KLC1: variants seen among roughly 807,000 people sequenced by gnomAD.
The protein encoded by KLC1 is kinesin 2 60/70kDa.
Under a neutral mutation model 84.2 loss-of-function variants are expected in KLC1, and 30 were observed. That is an observed-to-expected ratio of 0.36 (90% CI 0.27 to 0.48). KLC1 has a LOEUF of 0.48. Ranked by LOEUF, KLC1 falls within the 20% of genes least tolerant of loss-of-function variation. The pLI is 0.99. For synonymous variants in KLC1, 289 were observed against 293.3 expected (o/e 0.99, Z 0.15); for missense variants, 499 against 805.4 (o/e 0.62, Z 4.60).
Position 103,684,723 on chromosome 14 carries a change from C to CGT in KLC1, c.1651-2345_1651-2344dup, listed in dbSNP as rs371469182. On this transcript the variant is annotated intron_variant, in intron 13 of 16. Transcript: ENST00000334553. Reference sequence around the variant, plus strand: ...GAGCATGAGTGAGCGTGTGTGCACGCGTGTGTGTGTGTGTCACATGAAATA... The same window carrying CGT: ...GAGCATGAGTGAGCGTGTGTGCACGCGTGTGTGTGTGTGTGTCACATGAAATA... The CGT allele has an allele frequency of 4.3e-3, 1,925 of 443,862 alleles. 7 individuals carry two copies. Among genetic ancestry groups the CGT allele is most frequent in the Non-Finnish European group, 6.4e-3 (1,531 of 239,582 alleles). 27.5% of individuals were successfully genotyped at this position (443,862 alleles called of 1,614,324 possible).
chr14:103,678,966 G>A (rs760212810), intron 12 of KLC1, among the ~76,000 whole-genome samples: 6 of 152,120 alleles, frequency 3.9e-5, no homozygotes, highest in Non-Finnish European at 5.9e-5. Flanking sequence ...TATAATAAGC[G>A]AACAAATGGA....
intron 12 of KLC1, 89 bp from the exon 13 acceptor site, chr14:103,679,288 GTTTTTTT>G: frequency 9.1e-7 from 1 of 1,104,222 alleles, no homozygotes; most frequent in Non-Finnish European, 1.3e-6. Flanking sequence ...ATTAAGAACT[GTTTTTTT>G]TTTTTTTTTC....
At chr14:103,642,493 A>G (rs2077567889) in intron 1 of KLC1, among the ~76,000 whole-genome samples, 1 of 152,160 alleles carries the variant, frequency 6.6e-6, no homozygotes, top group Admixed American at 6.6e-5. Flanking sequence ...ATGAGTTTTT[A>G]GGAGAAAGAC....
chr14:103,658,642 TCTGATTCAGTTAA>T (rs2079021527), intron 3 of KLC1, among the ~76,000 whole-genome samples: 2 of 148,902 alleles, frequency 1.3e-5, no homozygotes, highest in Admixed American at 6.8e-5. Flanking sequence ...AACATTTATT[TCTGATTCAGTTAA>T]CTTTTTTTTT....
chr14:103,687,278 G>T, intron 14 of KLC1, 67 bp downstream of exon 14: 1 of 1,434,526 alleles, frequency 7.0e-7, no homozygotes, highest in Non-Finnish European at 9.4e-7. Context: ...TCTTCCTAGC[G>T]CAGCCTTCCT....
chr14:103,669,538 T>G lies in KLC1; in HGVS notation c.825T>G (p.Ala275=). The change falls in exon 6 of 17, where the codon GCT becomes GCG. Residue 275 remains alanine, a synonymous_variant. Transcript: ENST00000334553. Reference sequence around the variant, plus strand: ...ATCAGAATAAATACAAAGATGCAGCTAACCTACTGAATGATGCCTTGGCTA... The same window carrying G: ...ATCAGAATAAATACAAAGATGCAGCGAACCTACTGAATGATGCCTTGGCTA... The part of the protein sequence containing the change: ...YRDQNKYKDA[A]NLLNDALAIR... The G allele has an allele frequency of 1.9e-6, 3 of 1,612,304 alleles. No homozygotes were observed. The South Asian group carries it at 3.3e-5, about 18-fold the overall frequency.
At chr14:103,653,662 T>C (rs1289093799) in intron 1 of KLC1, among the ~76,000 whole-genome samples, 1 of 152,212 alleles carries the variant, frequency 6.6e-6, no homozygotes, top group African/African-American at 2.4e-5. Flanking sequence ...AAGGTGACAT[T>C]AGACACTTAA....
chr14:103,673,217 G>T, intron 8 of KLC1, 30 bp downstream of exon 8: 2 of 1,592,200 alleles, frequency 1.3e-6, no homozygotes, highest in Non-Finnish European at 1.7e-6. Context: ...CTAGGGAGGG[G>T]GCCAGGAGTG....
At chr14:103,699,058 T>G in intron 15 of KLC1, 1 of 1,564,290 alleles carries the variant, frequency 6.4e-7, no homozygotes, top group Non-Finnish European at 8.7e-7. Flanking sequence ...TCAGGCTTGG[T>G]GGCCCCGCCC....
In KLC1 at chr14:103,701,486, TTG is replaced by T; in HGVS notation, c.*292_*293del. On this transcript the variant is annotated 3_prime_UTR_variant, in exon 17 of 17. Coordinates refer to ENST00000334553, the MANE Select transcript of KLC1 (RefSeq NM_001394837.1). ...CCTTCCCATGTGTAACTTCCTCACG[TTG>T]TGTGCGATAACGTATTTTATTGTAC... The T allele has an allele frequency of 2.4e-6, 1 of 422,488 alleles. No homozygotes were observed. The highest frequency in any genetic ancestry group is 6.8e-5 in the South Asian group (1 of 14,806). The allele number at this position is 422,488 out of a possible 1,614,324, so 26.2% of individuals were successfully genotyped here.
At chr14:103,667,798 C>T (rs1363300561) in intron 5 of KLC1, among the ~76,000 whole-genome samples, 1 of 152,212 alleles carries the variant, frequency 6.6e-6, no homozygotes, top group South Asian at 2.1e-4. Context: ...ACCTTTCTCA[C>T]GTTTTTCAGG....
chr14:103,638,988 T>C (rs75889609), intron 1 of KLC1, among the ~76,000 whole-genome samples: 2,613 of 152,246 alleles, frequency 0.017, 68 homozygotes, highest in African/African-American at 0.056. Flanking sequence ...GATTGTGTTC[T>C]TCTTGTTGGT....
At chr14:103,667,353 C>A (rs145352381) in intron 5 of KLC1, among the ~76,000 whole-genome samples, 1 of 152,098 alleles carries the variant, frequency 6.6e-6, no homozygotes, top group Non-Finnish European at 1.5e-5. Flanking sequence ...GTGATCTACC[C>A]GCCTCAGCCT....
At chr14:103,651,739 G>A (rs1309425794) in intron 1 of KLC1, among the ~76,000 whole-genome samples, 1 of 152,136 alleles carries the variant, frequency 6.6e-6, no homozygotes, top group Non-Finnish European at 1.5e-5. Context: ...AGTGGGTGCC[G>A]TCACACCTCT....
intron 1 of KLC1, among the ~76,000 whole-genome samples, chr14:103,646,292 T>C (rs2077918185): frequency 6.6e-6 from 1 of 152,076 alleles, no homozygotes; most frequent in Admixed American, 6.6e-5. Context: ...AAGGACAGTT[T>C]TAGTGTGTAA....
intron 5 of KLC1, among the ~76,000 whole-genome samples, chr14:103,665,036 G>A (rs2079638974): frequency 6.6e-6 from 1 of 151,922 alleles, no homozygotes. Flanking sequence ...TAGTGTGAGA[G>A]TTGACCCACG....
intron 15 of KLC1, chr14:103,695,876 C>CT (rs1371698176): frequency 3.9e-5 from 38 of 985,408 alleles, no homozygotes; most frequent in Non-Finnish European, 4.6e-5. Flanking sequence ...GCAAGGGAAT[C>CT]TGAGTACCTG....
intron 3 of KLC1, among the ~76,000 whole-genome samples, chr14:103,660,034 G>A (rs2079148969): frequency 6.6e-6 from 1 of 152,062 alleles, no homozygotes; most frequent in African/African-American, 2.4e-5. Context: ...CCTCCCAAAG[G>A]TTTCATCTCT....
intron 5 of KLC1, among the ~76,000 whole-genome samples, chr14:103,666,773 CTTTCTTT>C (rs1192162948): frequency 1.9e-5 from 2 of 104,698 alleles, no homozygotes; most frequent in Non-Finnish European, 4.0e-5. Context: ...CATTTTTTTT[CTTTCTTT>C]TTTTTTTTTT....
Sources: allele counts gnomAD v4.1 joint callset (sites outside exome capture counted in the v4.1 genomes callset), GRCh38; gene constraint gnomAD v4.1.1; transcripts MANE v1.5; gene names NCBI Gene and HGNC (gene_info 2026-07-23, HGNC 2026-07-21).